The following MPP7 variants were observed in gnomAD, a reference collection of about 807,000 sequenced individuals.
The protein encoded by MPP7 is MAGUK p55 subfamily member 7.
A neutral mutation model predicts 76.5 loss-of-function variants in MPP7; 60 were observed. The observed-to-expected ratio is 0.78, with a 90% CI of 0.64 to 0.97. The LOEUF (loss-of-function observed/expected upper bound fraction) is 0.97, where lower values mean the gene tolerates loss of function less well. Among genes scored for constraint, MPP7 ranks in the 50% least tolerant of loss-of-function variants. The pLI, the probability that MPP7 is intolerant of heterozygous loss-of-function variation, is 0.00. For synonymous variants in MPP7, 237 were observed against 244.5 expected, an observed-to-expected ratio of 0.97 and a Z score of 0.29; for missense variants, 641 against 694.0, an observed-to-expected ratio of 0.92 and a Z score of 0.86.
At chr10:28,129,289 T>A (rs969038470) in intron 6 of MPP7, among the ~76,000 whole-genome samples, 6 of 152,226 alleles carry the variant, frequency 3.9e-5, no homozygotes, top group Non-Finnish European at 8.8e-5. Context: ...TCTAATATTT[T>A]AAAAATTACT....
chr10:28,226,571 T>A (rs531065323), intron 2 of MPP7, among the ~76,000 whole-genome samples: 93 of 152,320 alleles, frequency 6.1e-4, no homozygotes, highest in Non-Finnish European at 1.1e-3. Flanking sequence ...TAATGAGTAC[T>A]GAGTTTCTGT....
chr10:28,232,121 C>A (rs928574902), intron 2 of MPP7, among the ~76,000 whole-genome samples: 1 of 152,124 alleles, frequency 6.6e-6, no homozygotes, highest in Non-Finnish European at 1.5e-5. Flanking sequence ...CTTTGGGAGG[C>A]CAGTGGTGGG....
At chr10:28,328,219 G>C (rs935105006) in intron 2 of MPP7, among the ~76,000 whole-genome samples, 1 of 152,044 alleles carries the variant, frequency 6.6e-6, no homozygotes, top group Non-Finnish European at 1.5e-5. Flanking sequence ...ACCTACATGC[G>C]AAGGTTCAAT....
chr10:28,105,981 G>T (rs1194971878), intron 11 of MPP7, among the ~76,000 whole-genome samples: 2 of 152,134 alleles, frequency 1.3e-5, no homozygotes, highest in African/African-American at 4.8e-5. Flanking sequence ...CCACCAGTTT[G>T]ATATGAATTA....
At chr10:28,185,898 C>T (rs989439402) in intron 3 of MPP7, among the ~76,000 whole-genome samples, 1 of 152,110 alleles carries the variant, frequency 6.6e-6, no homozygotes, top group East Asian at 1.9e-4. Context: ...ATGTGTATTC[C>T]TGTATACCTT....
chr10:28,103,193 G>C (rs1446169541), intron 11 of MPP7, among the ~76,000 whole-genome samples: 2 of 148,178 alleles, frequency 1.3e-5, no homozygotes, highest in African/African-American at 2.5e-5. Context: ...GTGGGGGCCT[G>C]TACACATGCA....
At chr10:28,157,624 C>A (rs571165973) in intron 3 of MPP7, among the ~76,000 whole-genome samples, 1 of 152,224 alleles carries the variant, frequency 6.6e-6, no homozygotes, top group East Asian at 1.9e-4. Flanking sequence ...GCTCTGCATG[C>A]CCTGGACCCT....
At chr10:28,060,224 C>G (rs1851724694) in intron 13 of MPP7, among the ~76,000 whole-genome samples, 1 of 152,108 alleles carries the variant, frequency 6.6e-6, no homozygotes, top group Admixed American at 6.6e-5. Flanking sequence ...CAAGTGAAGC[C>G]AAATACTTCT....
rs777291332 is a variant in MPP7, at chr10:28,120,195, T to C, written c.886A>G (p.Arg296Gly). 1.2e-6 allele frequency: 2 copies of C among 1,612,706 alleles called. No homozygotes were observed. The highest frequency in any genetic ancestry group is 2.2e-5 in the South Asian group (2 of 90,860). The change falls in exon 10 of 17, where the codon AGG (arginine) becomes GGG (glycine). Residue 296 changes from arginine (R) to glycine (G), a missense_variant and splice_region_variant. Coordinates refer to ENST00000683449, the MANE Select transcript of MPP7 (RefSeq NM_001318170.2). ...CATTATTATGTACCAGCAGCTCACC[T>C]TTCCTGGAAATGCTTTGAGGGGATC... ...GLIPSKHFQE[R>G]RLALRRPEIL...
chr10:28,328,138 A>G (rs1175832142), intron 2 of MPP7, among the ~76,000 whole-genome samples: 1 of 152,210 alleles, frequency 6.6e-6, no homozygotes, highest in East Asian at 1.9e-4. Context: ...TAATAAAAAA[A>G]TCTCAGCTCA....
intron 3 of MPP7, among the ~76,000 whole-genome samples, chr10:28,189,889 T>C (rs1411701150): frequency 1.3e-5 from 2 of 151,894 alleles, no homozygotes; most frequent in Non-Finnish European, 1.5e-5. Flanking sequence ...ACTGTCAGAA[T>C]GGATAAAAAG....
chr10:28,148,343 T>C (rs555395651), intron 4 of MPP7, among the ~76,000 whole-genome samples: 1 of 152,208 alleles, frequency 6.6e-6, no homozygotes, highest in Non-Finnish European at 1.5e-5. Flanking sequence ...AAAGATCTCA[T>C]AATTTTCTTT....
intron 1 of MPP7, among the ~76,000 whole-genome samples, chr10:28,333,885 A>G (rs1834492811): frequency 6.6e-6 from 1 of 152,176 alleles, no homozygotes; most frequent in Non-Finnish European, 1.5e-5. Flanking sequence ...TGGGCTGCAC[A>G]GTGGAGACAT....
Position 28,089,759 on chromosome 10 carries a change from C to T in MPP7, c.1035G>A (p.Gln345=), listed in dbSNP as rs1853202367. 1 of 1,612,066 alleles carries T rather than the reference C, an allele frequency of 6.2e-7. No individual in the cohort carries two copies. Among genetic ancestry groups the T allele is most frequent in the African/African-American group, 1.3e-5 (1 of 74,980 alleles). The change falls in exon 12 of 17, where the codon CAG becomes CAA. Residue 345 remains glutamine, a synonymous_variant. Coordinates refer to ENST00000683449, the MANE Select transcript of MPP7 (RefSeq NM_001318170.2). ...KSMYECKKSD[Q]YDTADVPTYE... ...ATGTGGGTACGTCAGCTGTGTCGTA[C>T]TGATCACTCTTCTTGCATTCATACA...
chr10:28,075,421 A>C (rs1052280899), intron 12 of MPP7, among the ~76,000 whole-genome samples: 2 of 152,140 alleles, frequency 1.3e-5, no homozygotes, highest in East Asian at 1.9e-4. Flanking sequence ...ATGGCCCCGA[A>C]ACTTCTCACC....
rs191424813 is a variant in MPP7 at position 28,065,019 on chromosome 10, A to C, written c.1204+4753T>G. ...TGCCCTGCTTTGGAGTTTAGGCTTAATATTCATTCATTACTTAATCAGTTG... is the reference window on the plus strand; with the variant it reads ...TGCCCTGCTTTGGAGTTTAGGCTTACTATTCATTCATTACTTAATCAGTTG... On this transcript the variant is annotated intron_variant, in intron 13 of 16. Coordinates refer to ENST00000683449, the MANE Select transcript of MPP7 (RefSeq NM_001318170.2). 2.3e-3 allele frequency among the ~76,000 whole-genome samples: 344 copies of C among 152,360 alleles called. 1 individual carries two copies. The highest frequency in any genetic ancestry group is 2.7e-3 in the Non-Finnish European group (185 of 68,038).
intron 2 of MPP7, among the ~76,000 whole-genome samples, chr10:28,329,579 A>G (rs1834451542): frequency 7.0e-6 from 1 of 142,250 alleles, no homozygotes; most frequent in Non-Finnish European, 1.5e-5. Context: ...CAGAGAGCTG[A>G]GAGATCGCGC....
chr10:28,189,454 AG>A (rs1270242141), intron 3 of MPP7, among the ~76,000 whole-genome samples: 2 of 151,748 alleles, frequency 1.3e-5, no homozygotes, highest in African/African-American at 4.8e-5. Flanking sequence ...CTGTACTTCC[AG>A]CTACTTGGGA....
intron 1 of MPP7, among the ~76,000 whole-genome samples, chr10:28,273,555 C>T (rs1052930702): frequency 3.3e-5 from 5 of 152,218 alleles, no homozygotes; most frequent in African/African-American, 1.2e-4. Context: ...ATTCTACCCA[C>T]TCTCACATTC....
Sources: gnomAD v4.1 joint callset for allele counts (sites outside exome capture counted in the v4.1 genomes callset) on GRCh38, gnomAD v4.1.1 for gene constraint, MANE v1.5 for transcripts, NCBI Gene and HGNC (gene_info 2026-07-23, HGNC 2026-07-21) for gene names.